The following SMG6 variants were observed in gnomAD, a reference collection of about 807,000 sequenced individuals.
SMG6 encodes the protein telomerase-binding protein EST1A.
SMG6 carries 66 observed loss-of-function variants against 142.2 expected under a neutral mutation model. That is an observed-to-expected ratio of 0.46 (90% CI 0.38 to 0.57). The LOEUF (loss-of-function observed/expected upper bound fraction) is 0.57. SMG6 is among the 20% of genes least tolerant of loss of function. The pLI, the probability that SMG6 is intolerant of heterozygous loss-of-function variation, is 0.00. For synonymous variants in SMG6, 779 were observed against 702.4 expected, an observed-to-expected ratio of 1.11 and a Z score of -1.72; for missense variants, 1,793 against 1,832.0, an observed-to-expected ratio of 0.98 and a Z score of 0.39.
chr17:2,166,037 C>T lies in SMG6; in HGVS notation c.3357+6621G>A, dbSNP rs558629903. On this transcript the variant is annotated intron_variant, in intron 13 of 18. Transcript: ENST00000263073. ...GACCAGCCTGGCCGACATAGCAAAA[C>T]CCCGTCTCTACTAAAAATACAAAAA... 3.9e-5 allele frequency among the ~76,000 whole-genome samples: 6 copies of T among 152,260 alleles called. No homozygotes were observed. The East Asian group carries it at 9.6e-4, about 24-fold the overall frequency.
At chr17:2,075,122 G>A (rs1045900080) in intron 15 of SMG6, among the ~76,000 whole-genome samples, 1 of 152,336 alleles carries the variant, frequency 6.6e-6, no homozygotes, top group Admixed American at 6.5e-5. Flanking sequence ...CCCTGTCTCC[G>A]ACAGCCAGGA....
At chr17:2,143,791 G>A (rs1472418170) in intron 13 of SMG6, among the ~76,000 whole-genome samples, 1 of 152,128 alleles carries the variant, frequency 6.6e-6, no homozygotes, top group Non-Finnish European at 1.5e-5. Context: ...CTCTTATTTT[G>A]TAGTTAGGAA....
chr17:2,234,153 G>C (rs2073580859), intron 10 of SMG6, among the ~76,000 whole-genome samples: 1 of 152,068 alleles, frequency 6.6e-6, no homozygotes, highest in African/African-American at 2.4e-5. Flanking sequence ...AAGAGTCCTA[G>C]AAAAAGTGCC....
chr17:2,142,002 T>C (rs753831034), intron 13 of SMG6, among the ~76,000 whole-genome samples: 9 of 152,178 alleles, frequency 5.9e-5, no homozygotes, highest in Non-Finnish European at 1.2e-4. Context: ...AGAAGAAACT[T>C]CGTTTAGTGA....
At chr17:2,278,112 T>C (rs987329233) in intron 8 of SMG6, among the ~76,000 whole-genome samples, 3 of 152,108 alleles carry the variant, frequency 2.0e-5, no homozygotes, top group Non-Finnish European at 4.4e-5. Flanking sequence ...TATACACTTA[T>C]AAATGCTTAG....
intron 10 of SMG6, among the ~76,000 whole-genome samples, chr17:2,232,333 A>C (rs2073520988): frequency 6.6e-6 from 1 of 152,204 alleles, no homozygotes; most frequent in Non-Finnish European, 1.5e-5. Flanking sequence ...CGAAGTGTTA[A>C]ATACGGAGGC....
chr17:2,276,938 C>T (rs531177692), intron 8 of SMG6, among the ~76,000 whole-genome samples: 2 of 151,598 alleles, frequency 1.3e-5, no homozygotes, highest in African/African-American at 2.4e-5. Context: ...TGCGCCACCA[C>T]GCCTGGCTAA....
At chr17:2,264,891 A>T (rs2074388343) in intron 8 of SMG6, among the ~76,000 whole-genome samples, 1 of 150,814 alleles carries the variant, frequency 6.6e-6, no homozygotes, top group Non-Finnish European at 1.5e-5. Context: ...GACAGAACGA[A>T]ACCCCATCTC....
chr17:2,097,820 A>C (rs2068896859), intron 13 of SMG6, among the ~76,000 whole-genome samples: 1 of 152,116 alleles, frequency 6.6e-6, no homozygotes, highest in African/African-American at 2.4e-5. Flanking sequence ...ACTTTCACTA[A>C]GACTAAAGTG....
chr17:2,123,200 C>T lies in SMG6; in HGVS notation c.3358-37299G>A, dbSNP rs978391314. The stretch of plus-strand genomic sequence containing the variant: ...CCCCAGGCCTGGGTGGGAGGCTTGT[C>T]ACTGACTCTGGCCACACACATAGGC... On this transcript the variant is annotated intron_variant, in intron 13 of 18. Coordinates refer to ENST00000263073, the MANE Select transcript of SMG6 (RefSeq NM_017575.5). Among the ~76,000 whole-genome samples the T allele has an allele frequency of 3.3e-5, 5 of 152,336 alleles. No individual in the cohort carries two copies. In the South Asian group the frequency reaches 1.0e-3, roughly 32 times the overall value.
chr17:2,133,217 G>A lies in SMG6; in HGVS notation c.3357+39441C>T, dbSNP rs541768296. ...CGAGATGGCGTCACTGCACTCCAGT[G>A]TGGGTGACAGAACGAGACTCCATCT... On this transcript the variant is annotated intron_variant, in intron 13 of 18. Coordinates refer to ENST00000263073, the MANE Select transcript of SMG6 (RefSeq NM_017575.5). Among the ~76,000 whole-genome samples, 154 of 152,200 alleles carry A rather than the reference G, an allele frequency of 1.0e-3. 1 individual carries two copies. Among genetic ancestry groups the A allele is most frequent in the African/African-American group, 3.5e-3 (146 of 41,536 alleles).
At chr17:2,137,378 A>G (rs948458553) in intron 13 of SMG6, among the ~76,000 whole-genome samples, 3 of 152,112 alleles carry the variant, frequency 2.0e-5, no homozygotes, top group African/African-American at 7.2e-5. Context: ...GATGACCCCC[A>G]CAGGCTGCTA....
chr17:2,298,174 G>T, intron 2 of SMG6, 119 bp from the exon 3 acceptor site: 1 of 860,260 alleles, frequency 1.2e-6, no homozygotes, highest in Non-Finnish European at 1.7e-6. Flanking sequence ...AATGTGACCA[G>T]GTAGGTATAC....
intron 4 of SMG6, among the ~76,000 whole-genome samples, chr17:2,293,834 G>C (rs574869273): frequency 1.3e-5 from 2 of 152,104 alleles, no homozygotes; most frequent in Admixed American, 6.6e-5. Flanking sequence ...ATTGTACCAC[G>C]GCATTACATT....
chr17:2,206,948 AT>A (rs1360710219), intron 10 of SMG6, among the ~76,000 whole-genome samples: 2 of 150,280 alleles, frequency 1.3e-5, no homozygotes, highest in Non-Finnish European at 3.0e-5. Context: ...AAAGTAAAAT[AT>A]TTTTTAAAAA....
intron 13 of SMG6, among the ~76,000 whole-genome samples, chr17:2,137,953 G>A (rs1247785416): frequency 6.6e-6 from 1 of 152,104 alleles, no homozygotes; most frequent in African/African-American, 2.4e-5. Flanking sequence ...TAAGACATGA[G>A]CACCACACTA....
chr17:2,139,346 C>T (rs1567629346), intron 13 of SMG6, among the ~76,000 whole-genome samples: 1 of 152,180 alleles, frequency 6.6e-6, no homozygotes, highest in East Asian at 1.9e-4. Context: ...ATGGAAAGCA[C>T]GCCAGACTGA....
chr17:2,095,992 C>G (rs1383322940), intron 13 of SMG6, among the ~76,000 whole-genome samples: 5 of 152,180 alleles, frequency 3.3e-5, no homozygotes, highest in African/African-American at 1.2e-4. Flanking sequence ...ACTCCCCCAA[C>G]CTGCAGTTAT....
chr17:2,212,516 CG>C (rs2072896132), intron 10 of SMG6: 1 of 152,262 alleles, frequency 6.6e-6, no homozygotes, highest in African/African-American at 2.4e-5. Context: ...TCGGCACTTG[CG>C]AACTGCTGAC....
Sources: allele counts gnomAD v4.1 joint callset (sites outside exome capture counted in the v4.1 genomes callset), GRCh38; gene constraint gnomAD v4.1.1; transcripts MANE v1.5; gene names NCBI Gene and HGNC (gene_info 2026-07-23, HGNC 2026-07-21).